The following F13A1 variants were observed in gnomAD, a reference collection of about 807,000 sequenced individuals.
F13A1 encodes FSF, A subunit.
Under a neutral mutation model 80.1 loss-of-function variants are expected in F13A1, and 47 were observed. The ratio of observed to expected loss-of-function variants is 0.59; its 90% CI spans 0.46 to 0.75. The LOEUF is 0.75. Ranked by LOEUF, F13A1 falls within the 30% of genes least tolerant of loss-of-function variation. The pLI is 0.00. For synonymous variants in F13A1, 349 were observed against 344.9 expected, an observed-to-expected ratio of 1.01 and a Z score of -0.13; for missense variants, 817 against 930.4, an observed-to-expected ratio of 0.88 and a Z score of 1.59.
chr6:6,150,462 A>G (rs1168831645), intron 14 of F13A1, among the ~76,000 whole-genome samples: 1 of 152,090 alleles, frequency 6.6e-6, no homozygotes, highest in Non-Finnish European at 1.5e-5. Flanking sequence ...TGTTTATTGC[A>G]TCTGCAATAA....
In F13A1 at chr6:6,227,440, C is replaced by T. The variant is rs2113067801; in HGVS notation, c.799-2580G>A. ...CCTTTGATATAAATTTTGACTTTAG[C>T]TTATAGAGTCATGAAATGACTGGAG... On this transcript the variant is annotated intron_variant, in intron 6 of 14. Transcript: ENST00000264870. Among the ~76,000 whole-genome samples, 3 of 152,302 alleles carry T rather than the reference C, an allele frequency of 2.0e-5. No homozygotes were observed. The Middle Eastern group carries it at 0.01, about 522-fold the overall frequency.
At chr6:6,168,920 C>A (rs1760724527) in intron 12 of F13A1, among the ~76,000 whole-genome samples, 1 of 152,178 alleles carries the variant, frequency 6.6e-6, no homozygotes, top group Non-Finnish European at 1.5e-5. Context: ...TTGCTCTGGA[C>A]CTTGAAGACC....
chr6:6,146,292 C>A (rs778692253), intron 14 of F13A1, among the ~76,000 whole-genome samples: 4 of 152,188 alleles, frequency 2.6e-5, no homozygotes, highest in African/African-American at 4.8e-5. Context: ...ATAGCCCTGC[C>A]TGCTGCCATT....
At chr6:6,235,789 C>A (rs1222136851) in intron 6 of F13A1, among the ~76,000 whole-genome samples, 1 of 151,980 alleles carries the variant, frequency 6.6e-6, no homozygotes, top group Non-Finnish European at 1.5e-5. Context: ...TAGGTATTTA[C>A]CTAAGAGAAA....
intron 7 of F13A1, among the ~76,000 whole-genome samples, chr6:6,223,880 T>G (rs1327854382): frequency 2.6e-5 from 4 of 152,168 alleles, no homozygotes; most frequent in Non-Finnish European, 5.9e-5. Context: ...AACTTGAGCT[T>G]AATGTTTCTC....
At chr6:6,206,607 G>A in intron 8 of F13A1, 1 of 507,040 alleles carries the variant, frequency 2.0e-6, no homozygotes, top group Non-Finnish European at 4.1e-6. Flanking sequence ...GGGTACCTGA[G>A]AGGAACGGGA....
chr6:6,291,647 C>T lies in F13A1; in HGVS notation c.319+13704G>A, dbSNP rs141927318. Among the ~76,000 whole-genome samples the T allele has an allele frequency of 2.4e-3, 359 of 152,242 alleles. 1 individual carries two copies. The highest frequency in any genetic ancestry group is 0.01 in the Middle Eastern group (3 of 294). ...CTTTCCTCTTGAAACACACAACTCT[C>T]GTGGATTGAGTGACACTGCAACCCC... On this transcript the variant is annotated intron_variant, in intron 3 of 14. Transcript: ENST00000264870.
chr6:6,253,631 C>A (rs1172730770), intron 4 of F13A1, among the ~76,000 whole-genome samples: 1 of 152,176 alleles, frequency 6.6e-6, no homozygotes, highest in African/African-American at 2.4e-5. Flanking sequence ...AGCCCCAGAT[C>A]CCTGAGTAAG....
chr6:6,280,791 A>T (rs999195200), intron 3 of F13A1, among the ~76,000 whole-genome samples: 1 of 152,218 alleles, frequency 6.6e-6, no homozygotes, highest in Admixed American at 6.5e-5. Context: ...TGCCTTTAAT[A>T]AAGGTCACTG....
At position 6,167,397 on chromosome 6, in the gene F13A1, C is replaced by T. The variant is rs1009245289; in HGVS notation, c.1908+61G>A. 21 of 1,553,764 alleles carry T rather than the reference C, an allele frequency of 1.4e-5. No individual in the cohort carries two copies. In the African/African-American group the frequency reaches 2.4e-4, roughly 17 times the overall value. On this transcript the variant is annotated intron_variant, in intron 13 of 14. Transcript: ENST00000264870. ...ACACACATACAAGCACGCATATGCA[C>T]ACATGAACACTAAGTCTGCGTGCCT... is the stretch of plus-strand genomic sequence containing the variant.
rs80163256 is a variant in F13A1 at position 6,221,494 on chromosome 6, G to A, written c.1112+539C>T. Among the ~76,000 whole-genome samples the A allele has an allele frequency of 5.5e-3, 835 of 152,284 alleles. 13 individuals are homozygous for A. Among genetic ancestry groups the A allele is most frequent in the African/African-American group, 0.019 (785 of 41,538 alleles). On this transcript the variant is annotated intron_variant, in intron 8 of 14. Coordinates refer to ENST00000264870, the MANE Select transcript of F13A1 (RefSeq NM_000129.4). ...GTGGTTAATGGTCAGAAGCATTTGG[G>A]TTTATTCCCAGCTCAACAGATGTAT...
chr6:6,300,177 G>C (rs4557571), intron 3 of F13A1, among the ~76,000 whole-genome samples: 25,415 of 113,664 alleles, frequency 0.22, 5,449 homozygotes, highest in African/African-American at 0.58. Context: ...ACATTTAAGT[G>C]TGCAGAGGTT....
intron 4 of F13A1, 152 bp from the exon 5 acceptor site, chr6:6,251,081 C>G: frequency 1.3e-6 from 1 of 742,610 alleles, no homozygotes; most frequent in East Asian, 2.5e-5. Context: ...AGCTCATTTC[C>G]CAATATTTTT....
At chr6:6,160,473 G>T (rs1444374949) in intron 13 of F13A1, among the ~76,000 whole-genome samples, 1 of 151,812 alleles carries the variant, frequency 6.6e-6, no homozygotes, top group African/African-American at 2.4e-5. Flanking sequence ...AGTAGCTGGG[G>T]TTACAGGCAC....
At chr6:6,198,659 T>A (rs997406909) in intron 8 of F13A1, among the ~76,000 whole-genome samples, 1 of 152,160 alleles carries the variant, frequency 6.6e-6, no homozygotes, top group Non-Finnish European at 1.5e-5. Flanking sequence ...TTCTTACCCA[T>A]AAAGGGTAAT....
chr6:6,301,009 C>T (rs1348536527), intron 3 of F13A1, among the ~76,000 whole-genome samples: 1 of 152,112 alleles, frequency 6.6e-6, no homozygotes, highest in Non-Finnish European at 1.5e-5. Flanking sequence ...CTTTTACCTT[C>T]TGAGTTTCTG....
chr6:6,191,662 G>A (rs1357311723), intron 10 of F13A1, among the ~76,000 whole-genome samples: 2 of 152,188 alleles, frequency 1.3e-5, no homozygotes, highest in Non-Finnish European at 2.9e-5. Flanking sequence ...GGCTAGAGAC[G>A]TGCTCTTGCT....
chr6:6,156,853 C>T (rs540629507), intron 13 of F13A1, among the ~76,000 whole-genome samples: 2 of 152,178 alleles, frequency 1.3e-5, no homozygotes, highest in Admixed American at 1.3e-4. Flanking sequence ...ACTCAAAAGC[C>T]TCATATGGCT....
intron 11 of F13A1, among the ~76,000 whole-genome samples, chr6:6,177,832 C>G (rs1760909142): frequency 6.6e-6 from 1 of 152,138 alleles, no homozygotes; most frequent in South Asian, 2.1e-4. Flanking sequence ...AAGGAAGGGG[C>G]ATGGGAGGCC....
Sources: allele counts gnomAD v4.1 joint callset (sites outside exome capture counted in the v4.1 genomes callset), GRCh38; gene constraint gnomAD v4.1.1; transcripts MANE v1.5; gene names NCBI Gene and HGNC (gene_info 2026-07-23, HGNC 2026-07-21).